The following NIPBL variants were observed in gnomAD, a reference collection of about 807,000 sequenced individuals.
The protein encoded by NIPBL is nipped-B-like protein.
A neutral mutation model predicts 321.8 loss-of-function variants in NIPBL; 19 were observed. The observed-to-expected ratio is 0.06, with a 90% CI of 0.04 to 0.09. NIPBL has a LOEUF of 0.09. Among genes scored for constraint, NIPBL ranks in the 10% least tolerant of loss-of-function variants. The pLI is 1.00. For synonymous variants in NIPBL, 1,106 were observed against 1,114.1 expected (o/e 0.99, Z 0.14); for missense variants, 2,210 against 3,327.0 (o/e 0.66, Z 8.26).
intron 43 of NIPBL, among the ~76,000 whole-genome samples, chr5:37,058,666 A>AT: frequency 6.6e-6 from 1 of 152,040 alleles, no homozygotes; most frequent in African/African-American, 2.4e-5. Flanking sequence ...TTTCAGAAGG[A>AT]TTTTTTTGAA....
intron 46 of NIPBL, 42 bp from the exon 47 acceptor site, chr5:37,064,485 T>C: frequency 1.2e-6 from 2 of 1,605,198 alleles, no homozygotes; most frequent in South Asian, 2.2e-5. Flanking sequence ...AAAATTCTTT[T>C]GTGTAACACT....
chr5:36,973,214 C>G (rs1743063928), intron 8 of NIPBL, among the ~76,000 whole-genome samples: 1 of 151,810 alleles, frequency 6.6e-6, no homozygotes. Context: ...ATGAGAATTT[C>G]TAATTATAGC....
At chr5:37,000,699 T>A in intron 12 of NIPBL, 118 bp from the exon 13 acceptor site, 8 of 1,269,396 alleles carry the variant, frequency 6.3e-6, no homozygotes, top group Non-Finnish European at 9.0e-6. Context: ...ATACTTAGTT[T>A]CTATGTGCAG....
chr5:36,987,838 T>C (rs1037364894), intron 10 of NIPBL, among the ~76,000 whole-genome samples: 3 of 152,206 alleles, frequency 2.0e-5, no homozygotes, highest in African/African-American at 7.2e-5. Context: ...TCAGAGTTAC[T>C]TGTTAATATA....
At chr5:36,950,782 A>G (rs545272526) in intron 1 of NIPBL, among the ~76,000 whole-genome samples, 69 of 152,294 alleles carry the variant, frequency 4.5e-4, no homozygotes, top group African/African-American at 1.6e-3. Context: ...TATTCAATCC[A>G]GAGCCAAAAA....
chr5:36,936,559 T>A (rs1375759838), intron 1 of NIPBL, among the ~76,000 whole-genome samples: 1 of 152,164 alleles, frequency 6.6e-6, no homozygotes, highest in Admixed American at 6.6e-5. Flanking sequence ...GGTACATTTC[T>A]CAGAACGTTT....
At chr5:36,987,091 G>T (rs1205764458) in intron 10 of NIPBL, among the ~76,000 whole-genome samples, 3 of 151,948 alleles carry the variant, frequency 2.0e-5, no homozygotes, top group African/African-American at 7.3e-5. Context: ...TGTTGACCAG[G>T]CTGGTTTCGA....
At chr5:36,977,841 A>T (rs995931871) in intron 9 of NIPBL, among the ~76,000 whole-genome samples, 53 of 151,960 alleles carry the variant, frequency 3.5e-4, no homozygotes, top group African/African-American at 1.2e-3. Context: ...CCCACTTATA[A>T]GTGAGAACCT....
chr5:36,911,310 T>C (rs1339444726), intron 1 of NIPBL, among the ~76,000 whole-genome samples: 4 of 152,228 alleles, frequency 2.6e-5, no homozygotes, highest in Admixed American at 2.6e-4. Flanking sequence ...TTATTTCTCA[T>C]GTGCAGGGGC....
chr5:37,017,557 T>C (rs949037064), intron 24 of NIPBL, among the ~76,000 whole-genome samples: 1 of 151,864 alleles, frequency 6.6e-6, no homozygotes, highest in African/African-American at 2.4e-5. Context: ...AGCTTTTTTA[T>C]ACTTTATTAC....
At chr5:37,052,334 C>T in intron 41 of NIPBL, 32 bp from the exon 42 acceptor site, 3 of 1,562,632 alleles carry the variant, frequency 1.9e-6, no homozygotes, top group East Asian at 2.2e-5. Context: ...TTTTAATTTC[C>T]CTGACAAAAA....
At chr5:36,971,116 G>C in intron 7 of NIPBL, 80 bp downstream of exon 7, 4 of 1,110,038 alleles carry the variant, frequency 3.6e-6, no homozygotes, top group Non-Finnish European at 4.1e-6. Flanking sequence ...TTCAAAATTT[G>C]AATGATACCT....
intron 8 of NIPBL, among the ~76,000 whole-genome samples, chr5:36,974,306 T>G: frequency 6.6e-6 from 1 of 152,202 alleles, no homozygotes; most frequent in East Asian, 1.9e-4. Context: ...TGAAGTTGTT[T>G]TCTAACTAGT....
chr5:36,897,786 G>T (rs1245254606), intron 1 of NIPBL, among the ~76,000 whole-genome samples: 2 of 151,036 alleles, frequency 1.3e-5, no homozygotes. Context: ...TGTATATAGG[G>T]ATGCAAAATA....
intron 9 of NIPBL, among the ~76,000 whole-genome samples, chr5:36,984,164 A>C (rs1481945314): frequency 6.6e-6 from 1 of 151,782 alleles, no homozygotes; most frequent in African/African-American, 2.4e-5. Flanking sequence ...CATGGTATAT[A>C]TTTTCTTTCT....
At chr5:37,060,263 ATCC>A (rs1358018041) in intron 44 of NIPBL, among the ~76,000 whole-genome samples, 1 of 152,306 alleles carries the variant, frequency 6.6e-6, no homozygotes, top group Non-Finnish European at 1.5e-5. Flanking sequence ...GGCTCAAGTA[ATCC>A]TCCTACTTCA....
intron 1 of NIPBL, among the ~76,000 whole-genome samples, chr5:36,937,403 TG>T (rs1738553659): frequency 6.6e-6 from 1 of 152,206 alleles, no homozygotes; most frequent in Admixed American, 6.5e-5. Flanking sequence ...GACTAAAGGT[TG>T]GCATTCTCTG....
At chr5:36,967,583 G>A (rs1276255680) in intron 6 of NIPBL, among the ~76,000 whole-genome samples, 1 of 152,208 alleles carries the variant, frequency 6.6e-6, no homozygotes, top group Admixed American at 6.5e-5. Flanking sequence ...GGGAGTATGA[G>A]AAAGGAAAAT....
intron 6 of NIPBL, among the ~76,000 whole-genome samples, chr5:36,964,340 C>T (rs931721135): frequency 1.3e-5 from 2 of 152,102 alleles, no homozygotes; most frequent in African/African-American, 4.8e-5. Context: ...CACTACCTGA[C>T]TTAAAAATAC....
Sources: allele counts gnomAD v4.1 joint callset (sites outside exome capture counted in the v4.1 genomes callset), GRCh38; gene constraint gnomAD v4.1.1; transcripts MANE v1.5; gene names NCBI Gene and HGNC (gene_info 2026-07-23, HGNC 2026-07-21).